Variants in RALGAPA1 observed in about 807,000 individuals in gnomAD.
The protein encoded by RALGAPA1 is Ral GTPase activating protein catalytic subunit alpha 1, also known as ral GTPase-activating protein subunit alpha-1.
Under a neutral mutation model 269.6 loss-of-function variants are expected in RALGAPA1, and 52 were observed. That is an observed-to-expected ratio of 0.19 (90% CI 0.15 to 0.24). The LOEUF is 0.24. RALGAPA1 is among the 10% of genes least tolerant of loss of function. RALGAPA1 has a pLI of 1.00. For missense variants in RALGAPA1, 1,917 were observed against 3,013.9 expected (o/e 0.64, Z 8.52); for synonymous variants, 817 against 1,008.3 (o/e 0.81, Z 3.60).
At chr14:35,552,006 T>C (rs2055060372) in intron 39 of RALGAPA1, among the ~76,000 whole-genome samples, 1 of 152,168 alleles carries the variant, frequency 6.6e-6, no homozygotes, top group Admixed American at 6.5e-5. Context: ...TAAGTTTCCT[T>C]TTTGGGGGGT....
intron 31 of RALGAPA1, among the ~76,000 whole-genome samples, chr14:35,650,934 G>T (rs2062786971): frequency 6.6e-6 from 1 of 152,016 alleles, no homozygotes; most frequent in Admixed American, 6.6e-5. Flanking sequence ...CTTGATATTT[G>T]CAAACGAGGA....
intron 6 of RALGAPA1, among the ~76,000 whole-genome samples, 180 bp from the exon 7 acceptor site, chr14:35,757,088 T>TTTTA (rs1167489149): frequency 4.0e-5 from 6 of 150,064 alleles, no homozygotes; most frequent in Admixed American, 6.6e-5. Context: ...CAAAAATAAA[T>TTTTA]TTTATTTATT....
chr14:35,720,173 A>G (rs1258443076), intron 16 of RALGAPA1, among the ~76,000 whole-genome samples: 1 of 152,238 alleles, frequency 6.6e-6, no homozygotes, highest in Non-Finnish European at 1.5e-5. Context: ...TAAAATTCCC[A>G]TTATATTCAT....
intron 12 of RALGAPA1, among the ~76,000 whole-genome samples, chr14:35,737,424 T>TAGGGAA (rs1470239489): frequency 6.6e-6 from 1 of 152,032 alleles, no homozygotes; most frequent in Non-Finnish European, 1.5e-5. Context: ...GTATATAACC[T>TAGGGAA]AGGGAAATTT....
intron 27 of RALGAPA1, 58 bp downstream of exon 27, chr14:35,664,584 A>G (rs2063784002): frequency 3.2e-5 from 44 of 1,365,694 alleles, no homozygotes; most frequent in Non-Finnish European, 4.4e-5. Context: ...ATTTTATTGC[A>G]TATACTTTAT....
chr14:35,794,700 C>G (rs1028057170), intron 1 of RALGAPA1, among the ~76,000 whole-genome samples: 7 of 152,214 alleles, frequency 4.6e-5, no homozygotes, highest in African/African-American at 1.7e-4. Context: ...TCGTGATCCG[C>G]CCACCTCGGC....
intron 16 of RALGAPA1, chr14:35,707,382 G>GA (rs1202045130): frequency 1.3e-5 from 2 of 152,094 alleles, no homozygotes; most frequent in Non-Finnish European, 2.9e-5. Flanking sequence ...GATCTCAGCA[G>GA]AAAAAAACCT....
chr14:35,570,784 C>T lies in RALGAPA1; in HGVS notation c.7369-40G>A, dbSNP rs778508537. 5.1e-6 allele frequency: 8 copies of T among 1,555,764 alleles called. No individual in the cohort carries two copies. The East Asian group carries it at 1.4e-4, about 27-fold the overall frequency. On this transcript the variant is annotated intron_variant, in intron 38 of 41. Transcript: ENST00000680220. Reference sequence around the variant, plus strand: ...AGAACATAATTTTACATTCAAATTACAGACAGATTGTAAATAAGAGCAATC... The same window carrying T: ...AGAACATAATTTTACATTCAAATTATAGACAGATTGTAAATAAGAGCAATC...
intron 39 of RALGAPA1, among the ~76,000 whole-genome samples, chr14:35,566,852 A>G (rs1168941518): frequency 6.7e-6 from 1 of 148,166 alleles, no homozygotes; most frequent in Non-Finnish European, 1.5e-5. Context: ...CATTTAGAAT[A>G]TAGAACTTTG....
rs2070149439 is a variant in RALGAPA1, at chr14:35,728,258, AAT to A, written c.1736+102_1736+103del. ...TTTATTCAATAATAGGAGCCTCTATAATACTGTAAACAAACCCTCTTCACAGA... is the reference window on the plus strand; with the variant it reads ...TTTATTCAATAATAGGAGCCTCTATAACTGTAAACAAACCCTCTTCACAGA... On this transcript the variant is annotated intron_variant, in intron 13 of 41. Coordinates refer to ENST00000680220, the MANE Select transcript of RALGAPA1 (RefSeq NM_001346249.2). 22 of 1,061,784 alleles carry A rather than the reference AAT, an allele frequency of 2.1e-5. 1 individual carries two copies. In the South Asian group the frequency reaches 6.2e-4, roughly 30 times the overall value. The allele number at this position is 1,061,784 out of a possible 1,614,324, so 65.8% of individuals were successfully genotyped here. A position where few individuals can be genotyped will look rare whatever the true frequency, so the allele number is the denominator to read the frequency against.
At chr14:35,802,304 T>C (rs917841443) in intron 1 of RALGAPA1, among the ~76,000 whole-genome samples, 13 of 151,874 alleles carry the variant, frequency 8.6e-5, no homozygotes, top group Non-Finnish European at 5.9e-5. Flanking sequence ...TGAGACTCTG[T>C]CTCAAAAAAA....
intron 33 of RALGAPA1, 42 bp downstream of exon 33, chr14:35,634,532 G>C (rs2061551090): frequency 1.3e-6 from 2 of 1,510,396 alleles, no homozygotes; most frequent in Non-Finnish European, 1.8e-6. Flanking sequence ...TACCTTGAGA[G>C]AACCCAAGCA....
chr14:35,627,796 T>G lies in RALGAPA1; in HGVS notation c.6151A>C (p.Thr2051Pro), dbSNP rs1187069325. 2 of 1,585,794 alleles carry G rather than the reference T, an allele frequency of 1.3e-6. No individual in the cohort carries two copies. Among genetic ancestry groups the G allele is most frequent in the East Asian group, 4.5e-5 (2 of 44,770 alleles). ...TCAAAGAGTTCAGGAGAAAGTTCAG[T>G]ACTTTCACTGTAATGATTGTCGTGA... ...ENHDNHYSES[T>P]ELSPELFESP... Residue 2051 changes from threonine to proline, a missense_variant, in exon 34 of 42, where the codon ACT becomes CCT. Thr to Pro is a conservative substitution (Grantham distance 38). Around this residue, in one of 11 missense-constraint regions of RALGAPA1, gnomAD observed 346 missense variants for 566.1 expected, o/e 0.61. Transcript: ENST00000680220.
chr14:35,569,038 A>G (rs999759451), intron 39 of RALGAPA1, among the ~76,000 whole-genome samples: 1 of 152,196 alleles, frequency 6.6e-6, no homozygotes, highest in Non-Finnish European at 1.5e-5. Context: ...GCTATGAAAA[A>G]GAAATACTAC....
Position 35,752,227 on chromosome 14 carries a change from C to T in RALGAPA1, c.664-65G>A, listed in dbSNP as rs566640851. The T allele has an allele frequency of 9.1e-5, 127 of 1,390,878 alleles. No homozygotes were observed. The African/African-American group carries it at 1.7e-3, about 19-fold the overall frequency. The allele number at this position is 1,390,878 out of a possible 1,614,324, so 86.2% of individuals were successfully genotyped here. ...AGAATCTCTTAAATGCAAGTATTAGCAATTATAAACAAGCTTGTAAAAGGT... is the reference window on the plus strand; with the variant it reads ...AGAATCTCTTAAATGCAAGTATTAGTAATTATAAACAAGCTTGTAAAAGGT... On this transcript the variant is annotated intron_variant, in intron 7 of 41. Transcript: ENST00000680220.
intron 18 of RALGAPA1, 112 bp downstream of exon 18, chr14:35,688,347 A>G (rs2066140967): frequency 1.7e-6 from 2 of 1,208,402 alleles, no homozygotes; most frequent in African/African-American, 3.0e-5. Context: ...AAACAGAGAG[A>G]AAGCAGTGAC....
chr14:35,616,980 C>T (rs955507153), intron 35 of RALGAPA1, among the ~76,000 whole-genome samples: 4 of 151,938 alleles, frequency 2.6e-5, no homozygotes, highest in Non-Finnish European at 4.4e-5. Flanking sequence ...TTCTTATAAC[C>T]GTCTTGGAAA....
At chr14:35,769,720 C>T (rs190621887) in intron 4 of RALGAPA1, among the ~76,000 whole-genome samples, 14 of 152,182 alleles carry the variant, frequency 9.2e-5, no homozygotes, top group Admixed American at 8.5e-4. Context: ...TTTCTACTAA[C>T]AAATTTGTTC....
At chr14:35,646,043 C>G (rs1031986419) in intron 31 of RALGAPA1, among the ~76,000 whole-genome samples, 19 of 152,082 alleles carry the variant, frequency 1.2e-4, no homozygotes, top group African/African-American at 4.6e-4. Context: ...TGCATAAAAT[C>G]AGAATCATGA....
Sources: allele counts gnomAD v4.1 joint callset (sites outside exome capture counted in the v4.1 genomes callset), GRCh38; gene constraint gnomAD v4.1.1; regional missense constraint gnomAD v4.1.1; transcripts MANE v1.5; gene names NCBI Gene and HGNC (gene_info 2026-07-23, HGNC 2026-07-21).